The following SPAG17 variants were observed in gnomAD, a reference collection of about 807,000 sequenced individuals.
The protein encoded by SPAG17 is sperm associated antigen 17.
Under a neutral mutation model 273.6 loss-of-function variants are expected in SPAG17, and 169 were observed. That is an observed-to-expected ratio of 0.62 (90% CI 0.55 to 0.70). The LOEUF is 0.70. SPAG17 is among the 30% of genes least tolerant of loss of function. The pLI, the probability that SPAG17 is intolerant of heterozygous loss-of-function variation, is 0.00. For synonymous variants in SPAG17, 825 were observed against 873.2 expected (o/e 0.94, Z 0.97); for missense variants, 2,557 against 2,627.8 (o/e 0.97, Z 0.59).
In SPAG17 at chr1:118,177,753, C is replaced by T. The variant is rs562996575; in HGVS notation, c.87+7318G>A. Among the ~76,000 whole-genome samples the T allele has an allele frequency of 9.3e-4, 142 of 152,096 alleles. 1 individual carries two copies. The highest frequency in any genetic ancestry group is 3.2e-3 in the African/African-American group (133 of 41,508). ...ATAGGAGATATAACAACTAAGACCA[C>T]AGAAATGCAAAGAATCATGAGAGAC... On this transcript the variant is annotated intron_variant, in intron 1 of 48. Transcript: ENST00000336338.
chr1:118,142,731 A>T (rs778502014), intron 3 of SPAG17, among the ~76,000 whole-genome samples: 37 of 152,198 alleles, frequency 2.4e-4, no homozygotes, highest in Non-Finnish European at 4.7e-4. Flanking sequence ...ACAGAGGTAC[A>T]GCAGGGTTAT....
chr1:118,035,855 G>T (rs1649017358), intron 24 of SPAG17, among the ~76,000 whole-genome samples: 1 of 152,158 alleles, frequency 6.6e-6, no homozygotes, highest in Admixed American at 6.6e-5. Flanking sequence ...CTATTTTGTG[G>T]TTTGTAAAGA....
At chr1:118,137,494 C>T (rs1360414599) in intron 3 of SPAG17, among the ~76,000 whole-genome samples, 2 of 152,082 alleles carry the variant, frequency 1.3e-5, no homozygotes, top group Non-Finnish European at 2.9e-5. Flanking sequence ...GCACTGTGAT[C>T]CAAATATGTA....
intron 4 of SPAG17, among the ~76,000 whole-genome samples, chr1:118,111,555 C>CACAA (rs1656757910): frequency 6.8e-6 from 1 of 147,708 alleles, no homozygotes; most frequent in East Asian, 2.0e-4. Flanking sequence ...TTTAAAACAA[C>CACAA]ACACACACAC....
chr1:118,085,613 G>A (rs552668012), intron 13 of SPAG17, among the ~76,000 whole-genome samples: 164 of 152,078 alleles, frequency 1.1e-3, no homozygotes, highest in African/African-American at 3.7e-3. Flanking sequence ...CTCCAATGAC[G>A]TCAATGGGAG....
At chr1:117,960,998 T>C (rs1653006105) in intron 48 of SPAG17, 1 of 152,210 alleles carries the variant, frequency 6.6e-6, no homozygotes, top group African/African-American at 2.4e-5. Flanking sequence ...ATTGAAAATA[T>C]CTGGGCTGCG....
At chr1:118,020,239 T>G (rs1184415564) in intron 28 of SPAG17, among the ~76,000 whole-genome samples, 1 of 152,100 alleles carries the variant, frequency 6.6e-6, no homozygotes. Flanking sequence ...GCCAACATGG[T>G]GAAACCCTGT....
intron 41 of SPAG17, among the ~76,000 whole-genome samples, chr1:117,984,226 G>A (rs182631987): frequency 8.9e-4 from 136 of 152,284 alleles, no homozygotes; most frequent in East Asian, 3.5e-3. Context: ...GGTCCTACAG[G>A]TAGGCTGAAA....
Position 117,996,519 on chromosome 1 carries a change from A to C in SPAG17, c.4923-19T>G, listed in dbSNP as rs374508371. 253 of 1,608,514 alleles carry C rather than the reference A, an allele frequency of 1.6e-4. 1 individual carries two copies. In the African/African-American group the frequency reaches 3.0e-3, roughly 19 times the overall value. On this transcript the variant is annotated intron_variant, in intron 33 of 48. Coordinates refer to ENST00000336338, the MANE Select transcript of SPAG17 (RefSeq NM_206996.4). ...AAAAAACCTATTTGAAGAAATAAAAATATAATCACTTCAAGTATTCCGTTA... is the reference window on the plus strand; with the variant it reads ...AAAAAACCTATTTGAAGAAATAAAACTATAATCACTTCAAGTATTCCGTTA...
intron 20 of SPAG17, among the ~76,000 whole-genome samples, chr1:118,044,210 G>T (rs1650089578): frequency 6.6e-6 from 1 of 152,156 alleles, no homozygotes; most frequent in Admixed American, 6.5e-5. Context: ...AATGTTTTCA[G>T]AGCAGCTAGA....
intron 46 of SPAG17, among the ~76,000 whole-genome samples, chr1:117,968,665 AGTC>A (rs1411441860): frequency 6.6e-5 from 10 of 152,368 alleles, no homozygotes; most frequent in African/African-American, 2.2e-4. Flanking sequence ...TTGATGGCAT[AGTC>A]GTGACAAGAA....
intron 26 of SPAG17, among the ~76,000 whole-genome samples, chr1:118,026,255 G>A (rs1647738557): frequency 6.6e-6 from 1 of 152,118 alleles, no homozygotes; most frequent in African/African-American, 2.4e-5. Context: ...GGCAATCAAG[G>A]AGAAAAGCAC....
rs558782094 is a variant in SPAG17 at position 118,016,295 on chromosome 1, C to A, written c.4070-113G>T. The A allele has an allele frequency of 9.2e-6, 7 of 762,730 alleles. No individual in the cohort carries two copies. In the African/African-American group the frequency reaches 1.1e-4, roughly 11 times the overall value. 47.2% of individuals were successfully genotyped at this position (762,730 alleles called of 1,614,324 possible). ...ACTACCTCAGATACTGTGGCATAGA[C>A]AATTCTAAGTGGTATTCATCAATTA... On this transcript the variant is annotated intron_variant, in intron 28 of 48. Transcript: ENST00000336338.
At chr1:118,178,161 T>TA (rs536616858) in intron 1 of SPAG17, among the ~76,000 whole-genome samples, 66 of 152,160 alleles carry the variant, frequency 4.3e-4, no homozygotes, top group African/African-American at 7.0e-4. Context: ...TAAATATCAT[T>TA]AAAATGGCCA....
chr1:118,087,084 C>T (rs2102172399), intron 10 of SPAG17, 76 bp from the exon 11 acceptor site: 2 of 1,465,584 alleles, frequency 1.4e-6, no homozygotes, highest in East Asian at 4.6e-5. Flanking sequence ...TTGCTGCATT[C>T]CCACTGCTTA....
chr1:118,070,670 A>G (rs1405793234), intron 17 of SPAG17, among the ~76,000 whole-genome samples: 5 of 152,248 alleles, frequency 3.3e-5, no homozygotes, highest in South Asian at 2.1e-4. Context: ...TTTAAAAAGT[A>G]AAAAGAAACA....
At chr1:117,984,523 T>C (rs1656189752) in intron 41 of SPAG17, among the ~76,000 whole-genome samples, 160 bp downstream of exon 41, 2 of 152,210 alleles carry the variant, frequency 1.3e-5, no homozygotes, top group Non-Finnish European at 2.9e-5. Context: ...CCTTATCACA[T>C]GCTTGTGAGA....
At chr1:117,980,342 C>T (rs1655650641) in intron 43 of SPAG17, among the ~76,000 whole-genome samples, 1 of 152,104 alleles carries the variant, frequency 6.6e-6, no homozygotes, top group African/African-American at 2.4e-5. Flanking sequence ...AGCGATTCTC[C>T]TGCCTCAGGC....
intron 20 of SPAG17, among the ~76,000 whole-genome samples, chr1:118,052,153 T>C (rs1484018408): frequency 6.8e-6 from 1 of 146,848 alleles, no homozygotes; most frequent in Non-Finnish European, 1.5e-5. Flanking sequence ...TAATATATAC[T>C]ATTATAATAT....
Sources: gnomAD v4.1 joint callset for allele counts (sites outside exome capture counted in the v4.1 genomes callset) on GRCh38, gnomAD v4.1.1 for gene constraint, MANE v1.5 for transcripts, NCBI Gene and HGNC (gene_info 2026-07-23, HGNC 2026-07-21) for gene names.